CFAP20DC: variants seen among roughly 807,000 people sequenced by gnomAD.
CFAP20DC encodes protein CFAP20DC.
In CFAP20DC, 84 loss-of-function variants were observed where a neutral mutation model predicts 101.7. The ratio of observed to expected loss-of-function variants is 0.83; its 90% CI spans 0.69 to 0.99. The LOEUF is 0.99. Ranked by LOEUF, CFAP20DC falls within the 50% of genes least tolerant of loss-of-function variation. CFAP20DC has a pLI of 0.00. For synonymous variants in CFAP20DC, 359 were observed against 351.2 expected, an observed-to-expected ratio of 1.02 and a Z score of -0.25; for missense variants, 1,007 against 970.3, an observed-to-expected ratio of 1.04 and a Z score of -0.50.
chr3:58,920,961 G>A (rs1284806964), intron 5 of CFAP20DC, among the ~76,000 whole-genome samples: 1 of 152,106 alleles, frequency 6.6e-6, no homozygotes, highest in Non-Finnish European at 1.5e-5. Context: ...TCTAAAAATA[G>A]TTATAAGGCT....
chr3:58,954,723 TAA>T (rs1212501589), intron 4 of CFAP20DC, among the ~76,000 whole-genome samples: 2 of 152,202 alleles, frequency 1.3e-5, no homozygotes, highest in Non-Finnish European at 2.9e-5. Context: ...CTTCTGTCTT[TAA>T]AAGAGAAGAG....
intron 3 of CFAP20DC, among the ~76,000 whole-genome samples, chr3:58,733,971 C>T (rs1182838667): frequency 1.3e-5 from 2 of 152,172 alleles, no homozygotes; most frequent in African/African-American, 4.8e-5. Context: ...TGTGTCCCCA[C>T]CCAAATCTCA....
chr3:58,942,288 G>A (rs1056911029), intron 4 of CFAP20DC, among the ~76,000 whole-genome samples: 3 of 152,208 alleles, frequency 2.0e-5, no homozygotes, highest in Admixed American at 6.5e-5. Context: ...GCCAGCAGAT[G>A]GCTGAATAGG....
At chr3:58,862,749 G>A (rs966930541) in intron 12 of CFAP20DC, 1 of 972,650 alleles carries the variant, frequency 1.0e-6, no homozygotes, top group Admixed American at 6.2e-5. Context: ...GAAAAGCTTT[G>A]TACATTTTCA....
At chr3:58,906,109 C>G (rs1425171632) in intron 6 of CFAP20DC, among the ~76,000 whole-genome samples, 1 of 152,184 alleles carries the variant, frequency 6.6e-6, no homozygotes, top group Non-Finnish European at 1.5e-5. Context: ...CAACATCCAT[C>G]TCACAGAGTT....
rs540705797 is a variant in CFAP20DC at position 59,007,743 on chromosome 3, T to A, written c.278+31814A>T. On this transcript the variant is annotated intron_variant, in intron 4 of 16. Coordinates refer to ENST00000482387, the MANE Select transcript of CFAP20DC (RefSeq NM_001394063.1). The surrounding 1 kb of genome is among the most constrained non-coding windows in gnomAD (Gnocchi z 4.4). Reference sequence around the variant, plus strand: ...TCTGGAGCCTGGTAGCCCTGCTGGGTGGCTAGACCCAGAAGGGCAGTAACA... The same window carrying A: ...TCTGGAGCCTGGTAGCCCTGCTGGGAGGCTAGACCCAGAAGGGCAGTAACA... 3.9e-5 allele frequency among the ~76,000 whole-genome samples: 6 copies of A among 152,190 alleles called. No homozygotes were observed. The highest frequency in any genetic ancestry group is 8.8e-5 in the Non-Finnish European group (6 of 68,006).
intron 3 of CFAP20DC, among the ~76,000 whole-genome samples, chr3:59,041,483 A>G (rs371613773): frequency 2.8e-4 from 43 of 152,254 alleles, no homozygotes; most frequent in African/African-American, 9.6e-4. Context: ...GTCAGATGCT[A>G]AATAAATTCT....
Position 58,920,117 on chromosome 3 carries a change from G to A in CFAP20DC, c.394-6253C>T, listed in dbSNP as rs2085191822. Among the ~76,000 whole-genome samples the A allele has an allele frequency of 4.0e-5, 4 of 100,598 alleles. No homozygotes were observed. In the South Asian group the frequency reaches 1.4e-3, roughly 34 times the overall value. 66.0% of individuals were successfully genotyped at this position (100,598 alleles called of 152,430 possible). A position where few individuals can be genotyped will look rare whatever the true frequency, so the allele number is the denominator to read the frequency against. On this transcript the variant is annotated intron_variant, in intron 5 of 16. Transcript: ENST00000482387. ...TTTTTTTGAGACAGGGCTTTGCTCT[G>A]TAGCCCAGGCTGGAGTGTAGTGACA... is the stretch of plus-strand genomic sequence containing the variant.
At chr3:58,880,802 T>C (rs1053106319) in intron 7 of CFAP20DC, among the ~76,000 whole-genome samples, 3 of 152,134 alleles carry the variant, frequency 2.0e-5, no homozygotes, top group Non-Finnish European at 2.9e-5. Context: ...TTCACTTTTA[T>C]TGAAGATAGG....
intron 6 of CFAP20DC, among the ~76,000 whole-genome samples, chr3:58,889,763 C>A (rs1393947235): frequency 7.3e-6 from 1 of 136,192 alleles, no homozygotes; most frequent in Admixed American, 7.5e-5. Flanking sequence ...TCTTAACGAG[C>A]ATGCTGCCTT....
intron 14 of CFAP20DC, among the ~76,000 whole-genome samples, chr3:58,818,898 T>C (rs1419551930): frequency 7.1e-6 from 1 of 140,654 alleles, no homozygotes; most frequent in Non-Finnish European, 1.5e-5. Flanking sequence ...GAAGTAAAGC[T>C]CTCCTCAGCA....
rs190201574 is a variant in CFAP20DC at position 58,762,646 on chromosome 3, A to G, written c.2238-8783T>C. ...TCTTCCTAGCCTTGACGGTCTTTAC[A>G]ATTTGTCATGTTTTTGCCGTGGCTG... On this transcript the variant is annotated intron_variant, in intron 15 of 16. Transcript: ENST00000482387. Among the ~76,000 whole-genome samples, 690 of 152,258 alleles carry G rather than the reference A, an allele frequency of 4.5e-3. 5 individuals carry two copies. Among genetic ancestry groups the G allele is most frequent in the African/African-American group, 0.016 (652 of 41,536 alleles).
chr3:58,734,863 T>C (rs2067715819), intron 3 of CFAP20DC, among the ~76,000 whole-genome samples: 1 of 152,198 alleles, frequency 6.6e-6, no homozygotes, highest in Non-Finnish European at 1.5e-5. Context: ...TGAGGGGAGT[T>C]ATTGAAGCAA....
intron 4 of CFAP20DC, among the ~76,000 whole-genome samples, chr3:58,993,065 T>G (rs966995746): frequency 3.3e-5 from 5 of 152,164 alleles, no homozygotes; most frequent in African/African-American, 1.2e-4. Context: ...TGGGGAGTAC[T>G]TTTCCAATTG....
At chr3:59,039,344 T>C (rs2094156941) in intron 4 of CFAP20DC, among the ~76,000 whole-genome samples, 1 of 152,088 alleles carries the variant, frequency 6.6e-6, no homozygotes, top group Non-Finnish European at 1.5e-5. Flanking sequence ...CTTAAACAGA[T>C]GAAATTTGCT....
In CFAP20DC at chr3:58,831,894, C is replaced by G; in HGVS notation, c.1972-5G>C. The G allele has an allele frequency of 6.2e-7, 1 of 1,613,360 alleles. No homozygotes were observed. Among genetic ancestry groups the G allele is most frequent in the East Asian group, 2.2e-5 (1 of 44,880 alleles). ...ATAGTTTCGCCAGTCATATTCCTGA[C>G]CAAGAGAGAGGAAAATAACAAAGGG... On this transcript the variant is annotated splice_region_variant and splice_polypyrimidine_tract_variant and intron_variant, in intron 13 of 16. Coordinates refer to ENST00000482387, the MANE Select transcript of CFAP20DC (RefSeq NM_001394063.1).
At chr3:58,826,588 G>C (rs2076056639) in intron 14 of CFAP20DC, among the ~76,000 whole-genome samples, 1 of 152,154 alleles carries the variant, frequency 6.6e-6, no homozygotes, top group Non-Finnish European at 1.5e-5. Context: ...AGTTTGCTGA[G>C]AATGATGGTT....
chr3:58,962,876 C>T (rs1162029893), intron 4 of CFAP20DC, among the ~76,000 whole-genome samples: 3 of 152,034 alleles, frequency 2.0e-5, no homozygotes, highest in Non-Finnish European at 4.4e-5. Flanking sequence ...CTTATTAAAG[C>T]TCAGTATGGC....
intron 6 of CFAP20DC, among the ~76,000 whole-genome samples, chr3:58,889,634 A>C (rs1208099310): frequency 7.0e-6 from 1 of 141,958 alleles, no homozygotes; most frequent in Non-Finnish European, 1.5e-5. Context: ...ACAATAGTGG[A>C]GGGAAGGTCA....
Sources: gnomAD v4.1 joint callset for allele counts (sites outside exome capture counted in the v4.1 genomes callset) on GRCh38, gnomAD v4.1.1 for gene constraint, Gnocchi (gnomAD v3.1) non-coding constraint, MANE v1.5 for transcripts, NCBI Gene and HGNC (gene_info 2026-07-23, HGNC 2026-07-21) for gene names.